PTPRD: variants seen among roughly 807,000 people sequenced by gnomAD.
PTPRD encodes the protein receptor-type tyrosine-protein phosphatase delta.
In PTPRD, 34 loss-of-function variants were observed where a neutral mutation model predicts 214.5. The ratio of observed to expected loss-of-function variants is 0.16; its 90% CI spans 0.12 to 0.21. The LOEUF is 0.21. PTPRD is among the 10% of genes least tolerant of loss of function. The probability of loss-of-function intolerance (pLI) is 1.00; values close to 1 mark genes in which losing one functional copy is unlikely to be tolerated. For missense variants in PTPRD, 2,545 were observed against 2,398.7 expected (o/e 1.06, Z -1.27); for synonymous variants, 1,128 against 845.7 (o/e 1.33, Z -5.79).
chr9:10,541,904 T>C lies in PTPRD; in HGVS notation c.-600+70494A>G, dbSNP rs1297249705. On this transcript the variant is annotated intron_variant, in intron 2 of 45. Coordinates refer to ENST00000381196, the MANE Select transcript of PTPRD (RefSeq NM_002839.4). ...TTGACAACTTTCATCAATTATTTGA[T>C]TGTGTATTTTCCCCTGGCAGATAAA... Among the ~76,000 whole-genome samples, 3 of 152,248 alleles carry C rather than the reference T, an allele frequency of 2.0e-5. No homozygotes were observed. The South Asian group carries it at 6.2e-4, about 32-fold the overall frequency.
intron 4 of PTPRD, among the ~76,000 whole-genome samples, chr9:9,976,460 C>A (rs2095355227): frequency 6.6e-6 from 1 of 151,692 alleles, no homozygotes; most frequent in Non-Finnish European, 1.5e-5. Flanking sequence ...GATCTCGGCT[C>A]ACTGCAACCT....
At chr9:9,669,299 G>C (rs554529384) in intron 7 of PTPRD, among the ~76,000 whole-genome samples, 143 of 152,254 alleles carry the variant, frequency 9.4e-4, no homozygotes, top group African/African-American at 3.3e-3. Context: ...AACAGATAGA[G>C]ATTCTATTAG....
chr9:8,854,513 ATACT>A (rs755447711), intron 11 of PTPRD, among the ~76,000 whole-genome samples: 1 of 152,218 alleles, frequency 6.6e-6, no homozygotes, highest in Non-Finnish European at 1.5e-5. Context: ...TAATATGCAA[ATACT>A]TACAGTGTAC....
chr9:10,082,866 C>CT (rs2098267134), intron 3 of PTPRD, among the ~76,000 whole-genome samples: 3 of 151,114 alleles, frequency 2.0e-5, no homozygotes, highest in Non-Finnish European at 3.0e-5. Flanking sequence ...CACACACACC[C>CT]TAGATTTATT....
intron 4 of PTPRD, among the ~76,000 whole-genome samples, chr9:9,956,316 T>C (rs911396675): frequency 6.7e-6 from 1 of 150,368 alleles, no homozygotes; most frequent in East Asian, 1.9e-4. Flanking sequence ...AATTGGTGAG[T>C]GTTATGAGAC....
Position 8,590,820 on chromosome 9 carries a change from G to A in PTPRD, c.352+42497C>T, listed in dbSNP as rs183996910. On this transcript the variant is annotated intron_variant, in intron 14 of 45. Transcript: ENST00000381196. The stretch of plus-strand genomic sequence containing the variant: ...GGTAGGTAATTAGTTTCCTACTGCT[G>A]TTATAATTAGCTGTCACAAACTCGA... 4.1e-3 allele frequency among the ~76,000 whole-genome samples: 621 copies of A among 152,240 alleles called. 5 individuals are homozygous for A. The highest frequency in any genetic ancestry group is 5.6e-3 in the Non-Finnish European group (382 of 68,002).
intron 9 of PTPRD, among the ~76,000 whole-genome samples, chr9:9,223,421 T>C (rs1465985637): frequency 6.6e-6 from 1 of 151,984 alleles, no homozygotes; most frequent in East Asian, 1.9e-4. Context: ...TAAACAGCAG[T>C]TTCAGCAGAG....
intron 2 of PTPRD, among the ~76,000 whole-genome samples, chr9:10,458,822 T>C (rs13293276): frequency 0.22 from 33,493 of 152,076 alleles, 4,122 homozygotes; most frequent in African/African-American, 0.34. Flanking sequence ...GTCTAATAAA[T>C]GAATTCAATA....
intron 8 of PTPRD, among the ~76,000 whole-genome samples, chr9:9,560,960 C>T (rs1292668831): frequency 2.0e-5 from 3 of 152,120 alleles, no homozygotes; most frequent in Non-Finnish European, 2.9e-5. Flanking sequence ...TCCTGTCTAT[C>T]TGCAAGACAG....
At chr9:9,389,314 C>T (rs942820985) in intron 9 of PTPRD, among the ~76,000 whole-genome samples, 3 of 152,072 alleles carry the variant, frequency 2.0e-5, no homozygotes, top group African/African-American at 7.2e-5. Context: ...AGCTTGAGAC[C>T]AGCCTGACCA....
intron 21 of PTPRD, among the ~76,000 whole-genome samples, chr9:8,509,355 T>C (rs2097621549): frequency 6.6e-6 from 1 of 152,214 alleles, no homozygotes; most frequent in Non-Finnish European, 1.5e-5. Context: ...AATATTCACA[T>C]GATAAAAGGG....
At chr9:9,881,497 T>A (rs2068674645) in intron 5 of PTPRD, among the ~76,000 whole-genome samples, 2 of 152,138 alleles carry the variant, frequency 1.3e-5, no homozygotes, top group African/African-American at 4.8e-5. Flanking sequence ...CGCATCTTCA[T>A]CTTTTATAAA....
At chr9:10,582,881 A>G (rs1405599238) in intron 2 of PTPRD, among the ~76,000 whole-genome samples, 1 of 152,248 alleles carries the variant, frequency 6.6e-6, no homozygotes, top group Non-Finnish European at 1.5e-5. Flanking sequence ...AGGGTTTCTT[A>G]TTAGGAAGTA....
intron 12 of PTPRD, among the ~76,000 whole-genome samples, chr9:8,685,380 G>C (rs1337722765): frequency 6.6e-6 from 1 of 152,028 alleles, no homozygotes; most frequent in African/African-American, 2.4e-5. Context: ...CATTTTTGAA[G>C]GTTCCAGGAA....
intron 7 of PTPRD, among the ~76,000 whole-genome samples, chr9:9,641,150 C>A (rs1413483330): frequency 1.9e-5 from 2 of 107,622 alleles, no homozygotes; most frequent in Non-Finnish European, 4.8e-5. Flanking sequence ...GCTTTCTGAA[C>A]TGTTCTGTTG....
intron 3 of PTPRD, among the ~76,000 whole-genome samples, chr9:10,204,277 GA>G (rs1005881842): frequency 1.3e-5 from 2 of 151,376 alleles, no homozygotes; most frequent in East Asian, 1.9e-4. Context: ...TATGTGTTCT[GA>G]AAAAAAACAA....
At chr9:9,874,835 G>T in intron 5 of PTPRD, among the ~76,000 whole-genome samples, 1 of 152,108 alleles carries the variant, frequency 6.6e-6, no homozygotes, top group East Asian at 1.9e-4. Flanking sequence ...TTTGTGTCCA[G>T]GGAATTTGAG....
intron 2 of PTPRD, among the ~76,000 whole-genome samples, chr9:10,485,509 A>G (rs780944072): frequency 6.6e-6 from 1 of 151,998 alleles, no homozygotes; most frequent in Non-Finnish European, 1.5e-5. Flanking sequence ...GTATCTTTCC[A>G]TGTTTTGGTG....
chr9:9,982,478 GTGTGTGTGTGTGT>G lies in PTPRD; in HGVS notation c.-471-43881_-471-43869del, dbSNP rs1371116501. 3.0e-4 allele frequency among the ~76,000 whole-genome samples: 45 copies of G among 148,944 alleles called. 1 individual carries two copies. The highest frequency in any genetic ancestry group is 1.7e-3 in the East Asian group (8 of 4,832). Reference sequence around the variant, plus strand: ...ATATTGTTGTTGTGGTGGTGGTGGTGTGTGTGTGTGTGTGTGTGTGTGTGTGTGTGTGTGTGTT... The same window carrying G: ...ATATTGTTGTTGTGGTGGTGGTGGTGGTGTGTGTGTGTGTGTGTGTGTGTT... On this transcript the variant is annotated intron_variant, in intron 4 of 45. Coordinates refer to ENST00000381196, the MANE Select transcript of PTPRD (RefSeq NM_002839.4).
Sources: gnomAD v4.1 joint callset for allele counts (sites outside exome capture counted in the v4.1 genomes callset) on GRCh38, gnomAD v4.1.1 for gene constraint, MANE v1.5 for transcripts, NCBI Gene and HGNC (gene_info 2026-07-23, HGNC 2026-07-21) for gene names.